Variants in MYO5B observed in about 807,000 individuals in gnomAD.
MYO5B encodes the protein unconventional myosin-Vb.
Under a neutral mutation model 229.3 loss-of-function variants are expected in MYO5B, and 143 were observed. The observed-to-expected ratio is 0.62, with a 90% CI of 0.54 to 0.72. The LOEUF (loss-of-function observed/expected upper bound fraction) is 0.72, where lower values mean the gene tolerates loss of function less well. Among genes scored for constraint, MYO5B ranks in the 30% least tolerant of loss-of-function variants. MYO5B has a pLI of 0.00. For missense variants in MYO5B, 2,321 were observed against 2,331.0 expected (o/e 1.00, Z 0.09); for synonymous variants, 918 against 885.2 (o/e 1.04, Z -0.66).
chr18:50,097,727 G>A (rs2031579240), intron 1 of MYO5B: 1 of 153,522 alleles, frequency 6.5e-6, no homozygotes, highest in Non-Finnish European at 1.4e-5. Flanking sequence ...AGGGAAGGAT[G>A]GTAAACTTCT....
At chr18:49,890,631 C>T (rs1598860409) in intron 22 of MYO5B, among the ~76,000 whole-genome samples, 1 of 152,148 alleles carries the variant, frequency 6.6e-6, no homozygotes, top group Non-Finnish European at 1.5e-5. Context: ...GATATTAGTA[C>T]TATAAGAAGA....
intron 14 of MYO5B, among the ~76,000 whole-genome samples, chr18:49,945,828 G>A (rs2025366535): frequency 6.6e-6 from 1 of 152,124 alleles, no homozygotes. Context: ...CAAGACACAG[G>A]TAAGAAAGGA....
chr18:50,194,708 T>C (rs983868939), intron 1 of MYO5B, 59 bp downstream of exon 1: 37 of 1,240,518 alleles, frequency 3.0e-5, no homozygotes, highest in Non-Finnish European at 4.1e-5. Flanking sequence ...CCCTGAGTAC[T>C]AGGTGGCCCC....
At chr18:50,061,491 GTAGGTCATAATACA>G (rs1470744018) in intron 1 of MYO5B, among the ~76,000 whole-genome samples, 35 of 152,280 alleles carry the variant, frequency 2.3e-4, no homozygotes, top group South Asian at 1.9e-3. Context: ...TAGATGTCCT[GTAGGTCATAATACA>G]TAGGTAGCCA....
chr18:50,039,925 C>A (rs1273950209), intron 3 of MYO5B, among the ~76,000 whole-genome samples: 2 of 152,198 alleles, frequency 1.3e-5, no homozygotes. Context: ...TGACCCATTT[C>A]TTCCCTGGTT....
At chr18:50,153,648 C>T (rs112415760) in intron 1 of MYO5B, among the ~76,000 whole-genome samples, 3,358 of 152,222 alleles carry the variant, frequency 0.022, 118 homozygotes, top group African/African-American at 0.077. Flanking sequence ...CAGGGTTTCG[C>T]CATGTTGGCC....
At position 50,138,651 on chromosome 18, in the gene MYO5B, G is replaced by GAA. The variant is rs762274716; in HGVS notation, c.27+56114_27+56115dup. Among the ~76,000 whole-genome samples, 144 of 133,990 alleles carry GAA rather than the reference G, an allele frequency of 1.1e-3. 1 individual carries two copies. Among genetic ancestry groups the GAA allele is most frequent in the African/African-American group, 3.3e-3 (122 of 37,248 alleles). The allele number at this position is 133,990 out of a possible 152,430, so 87.9% of individuals were successfully genotyped here. On this transcript the variant is annotated intron_variant, in intron 1 of 39. Transcript: ENST00000285039. ...TTTTGTGGTGATGACTCTTGAGTCGGAAAAAAAAAAAAAAAGAAGTGAAAT... is the reference window on the plus strand; with the variant it reads ...TTTTGTGGTGATGACTCTTGAGTCGGAAAAAAAAAAAAAAAAAGAAGTGAAAT...
chr18:50,134,267 G>T (rs2032299649), intron 1 of MYO5B, among the ~76,000 whole-genome samples: 1 of 152,070 alleles, frequency 6.6e-6, no homozygotes, highest in East Asian at 1.9e-4. Context: ...GATAAAAATA[G>T]CCGCGTGGCA....
rs116880949 is a variant in MYO5B, at chr18:50,110,178, G to C, written c.28-54800C>G. Among the ~76,000 whole-genome samples, 1,163 of 152,228 alleles carry C rather than the reference G, an allele frequency of 7.6e-3. 14 individuals are homozygous for C. Among genetic ancestry groups the C allele is most frequent in the Non-Finnish European group, 0.011 (777 of 68,014 alleles). Reference sequence around the variant, plus strand: ...GCTTCCTCCCTCAAATGCTTCAAGTGTTTGGCCAAACGTGAACTTCTCTGC... The same window carrying C: ...GCTTCCTCCCTCAAATGCTTCAAGTCTTTGGCCAAACGTGAACTTCTCTGC... On this transcript the variant is annotated intron_variant, in intron 1 of 39. Coordinates refer to ENST00000285039, the MANE Select transcript of MYO5B (RefSeq NM_001080467.3).
At chr18:49,906,804 G>A (rs1012426953) in intron 18 of MYO5B, among the ~76,000 whole-genome samples, 174 bp from the exon 19 acceptor site, 30 of 152,082 alleles carry the variant, frequency 2.0e-4, no homozygotes, top group Non-Finnish European at 3.8e-4. Context: ...ACCCTACTAC[G>A]GGCCAGACTC....
At chr18:49,961,675 A>G (rs929551342) in intron 12 of MYO5B, among the ~76,000 whole-genome samples, 3 of 152,226 alleles carry the variant, frequency 2.0e-5, no homozygotes, top group African/African-American at 7.2e-5. Flanking sequence ...ATGAACCCCT[A>G]TCATCGAGCA....
At chr18:49,875,509 C>T (rs1029853558) in intron 26 of MYO5B, among the ~76,000 whole-genome samples, 178 bp downstream of exon 26, 27 of 152,112 alleles carry the variant, frequency 1.8e-4, no homozygotes, top group African/African-American at 5.3e-4. Context: ...TTCAGCTGGG[C>T]GGTGTAGGGG....
At position 50,001,266 on chromosome 18, in the gene MYO5B, G is replaced by C. The variant is rs1417473364; in HGVS notation, c.601C>G (p.Pro201Ala). The change falls in exon 5 of 40, where the codon CCC (proline) becomes GCC (alanine). Residue 201 changes from proline (P) to alanine (A), a missense_variant. Physicochemically the swap from Pro to Ala is conservative, Grantham distance 27. Transcript: ENST00000285039. ...CTAGAAGGCTTTACCTCCATGATGG[G>C]ACTGGATGCCAGCACCTTCTCTTCG... ...NIEEKVLASSPIMEAIGNAKT... is the reference protein window; with the variant it reads ...NIEEKVLASSAIMEAIGNAKT... 2.5e-6 allele frequency: 4 copies of C among 1,614,066 alleles called. No individual in the cohort carries two copies. The highest frequency in any genetic ancestry group is 3.4e-6 in the Non-Finnish European group (4 of 1,180,014).
intron 1 of MYO5B, among the ~76,000 whole-genome samples, chr18:50,113,259 C>T (rs1318390930): frequency 6.6e-6 from 1 of 152,228 alleles, no homozygotes; most frequent in African/African-American, 2.4e-5. Flanking sequence ...TCCCTGCCCT[C>T]AGGAAGCTTC....
intron 2 of MYO5B, among the ~76,000 whole-genome samples, 166 bp from the exon 3 acceptor site, chr18:50,040,480 G>A (rs2029981053): frequency 6.6e-6 from 1 of 152,198 alleles, no homozygotes; most frequent in South Asian, 2.1e-4. Context: ...GTTGCCATGA[G>A]AGACCAGTCC....
At chr18:49,832,120 A>C (rs1005608642) in intron 39 of MYO5B, among the ~76,000 whole-genome samples, 1 of 152,182 alleles carries the variant, frequency 6.6e-6, no homozygotes, top group South Asian at 2.1e-4. Context: ...AGAATTTTGG[A>C]AATAGTGGTG....
At chr18:50,158,912 A>G (rs1436056888) in intron 1 of MYO5B, among the ~76,000 whole-genome samples, 1 of 152,176 alleles carries the variant, frequency 6.6e-6, no homozygotes, top group Non-Finnish European at 1.5e-5. Context: ...TAGATTAAAC[A>G]TGAATCTACG....
intron 2 of MYO5B, among the ~76,000 whole-genome samples, chr18:50,051,603 G>A (rs2144410970): frequency 6.6e-6 from 1 of 152,276 alleles, no homozygotes; most frequent in African/African-American, 2.4e-5. Context: ...CTGAAAGCCT[G>A]ATCCACTCTA....
chr18:49,933,344 G>A (rs936415389), intron 16 of MYO5B, among the ~76,000 whole-genome samples: 3 of 152,198 alleles, frequency 2.0e-5, no homozygotes, highest in Admixed American at 1.3e-4. Context: ...CAGAGCCACC[G>A]ACAGCCACTT....
Sources: allele counts gnomAD v4.1 joint callset (sites outside exome capture counted in the v4.1 genomes callset), GRCh38; gene constraint gnomAD v4.1.1; transcripts MANE v1.5; gene names NCBI Gene and HGNC (gene_info 2026-07-23, HGNC 2026-07-21).